CNIH3: variants seen among roughly 807,000 people sequenced by gnomAD.
CNIH3 encodes protein cornichon homolog 3.
CNIH3 carries 14 observed loss-of-function variants against 24.1 expected under a neutral mutation model. The ratio of observed to expected loss-of-function variants is 0.58; its 90% confidence interval spans 0.38 to 0.91. The LOEUF (loss-of-function observed/expected upper bound fraction) is 0.91. Among genes scored for constraint, CNIH3 ranks in the 40% least tolerant of loss-of-function variants. CNIH3 has a pLI of 0.00. For missense variants in CNIH3, 178 were observed against 196.8 expected, an observed-to-expected ratio of 0.90 and a Z score of 0.57; for synonymous variants, 68 against 73.8, an observed-to-expected ratio of 0.92 and a Z score of 0.40.
chr1:224,614,040 G>A (rs940483893), upstream of CNIH3, among the ~76,000 whole-genome samples: 1 of 152,046 alleles, frequency 6.6e-6, no homozygotes, highest in East Asian at 1.9e-4. Context: ...CACCACACCC[G>A]GCTAATTTTT....
intron 5 of CNIH3, among the ~76,000 whole-genome samples, chr1:224,586,936 A>G (rs893590565): frequency 4.6e-5 from 7 of 152,188 alleles, no homozygotes; most frequent in African/African-American, 1.7e-4. Flanking sequence ...AAAGACTGGC[A>G]GGGGAGCATG....
intron 4 of CNIH3, among the ~76,000 whole-genome samples, chr1:224,578,999 A>G (rs1681153413): frequency 1.3e-5 from 2 of 151,320 alleles, no homozygotes; most frequent in Non-Finnish European, 2.9e-5. Context: ...TGTAGAGAGT[A>G]GAGAACAACT....
chr1:224,528,382 G>A (rs912185196), intron 2 of CNIH3, among the ~76,000 whole-genome samples: 8 of 152,166 alleles, frequency 5.3e-5, no homozygotes, highest in African/African-American at 1.9e-4. Context: ...GTGCAGTGGT[G>A]TGATCATGGC....
chr1:224,684,675 C>G lies in CNIH3; in HGVS notation c.151-121C>G, dbSNP rs948289593. 1.2e-6 allele frequency: 1 copy of G among 838,204 alleles called. No homozygotes were observed. Among genetic ancestry groups the G allele is most frequent in the Non-Finnish European group, 2.1e-6 (1 of 485,646 alleles). 51.9% of individuals were successfully genotyped at this position (838,204 alleles called of 1,614,324 possible). A position where few individuals can be genotyped will look rare whatever the true frequency, so the allele number is the denominator to read the frequency against. On this transcript the variant is annotated intron_variant, in intron 2 of 5. Coordinates refer to ENST00000272133, the MANE Select transcript of CNIH3 (RefSeq NM_152495.2). This position sits in a 1 kb window ranked among gnomAD's most constrained non-coding sequence, Gnocchi z 4.2. ...TGGGTGGGAGCATGCTGGCCATGTG[C>G]CCAGGAGGGGTCTCTGGTGGCTTCT...
intron 3 of CNIH3, among the ~76,000 whole-genome samples, chr1:224,720,346 T>G (rs1488421948): frequency 6.6e-6 from 1 of 151,400 alleles, no homozygotes; most frequent in Non-Finnish European, 1.5e-5. Flanking sequence ...TTAAGGAGCA[T>G]AGCGGTGCAT....
intron 1 of CNIH3, among the ~76,000 whole-genome samples, chr1:224,465,004 G>T (rs990899045): frequency 2.0e-5 from 3 of 152,094 alleles, no homozygotes; most frequent in African/African-American, 7.2e-5. Flanking sequence ...ATGTTGCCCA[G>T]GCTGGTCTGA....
At chr1:224,571,846 G>C (rs1013275182) in intron 4 of CNIH3, among the ~76,000 whole-genome samples, 3 of 152,116 alleles carry the variant, frequency 2.0e-5, no homozygotes, top group Non-Finnish European at 4.4e-5. Context: ...GGACCTGAGG[G>C]CCAAAGCCTT....
chr1:224,666,128 T>C (rs1399748051), intron 1 of CNIH3, among the ~76,000 whole-genome samples: 1 of 152,022 alleles, frequency 6.6e-6, no homozygotes, highest in Non-Finnish European at 1.5e-5. Context: ...CACTGAGACA[T>C]AGGGGATAAA....
At chr1:224,639,392 G>A (rs1427791266) in intron 1 of CNIH3, among the ~76,000 whole-genome samples, 8 of 152,198 alleles carry the variant, frequency 5.3e-5, no homozygotes, top group East Asian at 1.9e-4. Context: ...AGGGGCCTGC[G>A]GGCCCCACCT....
Position 224,633,594 on chromosome 1 carries a change from C to G in CNIH3, c.81+16339C>G, listed in dbSNP as rs576968325. On this transcript the variant is annotated intron_variant, in intron 1 of 5. Coordinates refer to ENST00000272133, the MANE Select transcript of CNIH3 (RefSeq NM_152495.2). Reference sequence around the variant, plus strand: ...AACAATAGAATAGCCAGATTTCGATCTCTGTCCTTGAATCACTCTGAATGT... The same window carrying G: ...AACAATAGAATAGCCAGATTTCGATGTCTGTCCTTGAATCACTCTGAATGT... Among the ~76,000 whole-genome samples the G allele has an allele frequency of 3.9e-5, 6 of 152,356 alleles. No homozygotes were observed. The South Asian group carries it at 1.2e-3, about 32-fold the overall frequency.
At chr1:224,506,287 G>GCACA (rs56331612) in intron 1 of CNIH3, among the ~76,000 whole-genome samples, 6,851 of 147,342 alleles carry the variant, frequency 0.046, 181 homozygotes, top group African/African-American at 0.063. Flanking sequence ...GCGCGCGCGC[G>GCACA]CACACACACA....
At chr1:224,511,674 C>G (rs191040665), upstream of CNIH3, among the ~76,000 whole-genome samples, 3 of 150,644 alleles carry the variant, frequency 2.0e-5, no homozygotes, top group African/African-American at 4.9e-5. Context: ...GGCAACATAG[C>G]GAGACTCCTT....
intron 2 of CNIH3, among the ~76,000 whole-genome samples, chr1:224,524,793 T>C (rs778301306): frequency 6.6e-6 from 1 of 152,184 alleles, no homozygotes; most frequent in Non-Finnish European, 1.5e-5. Context: ...GGAGAAACAG[T>C]GTCTTCCCAA....
intron 3 of CNIH3, among the ~76,000 whole-genome samples, chr1:224,552,757 C>T (rs1353891827): frequency 4.7e-5 from 7 of 150,250 alleles, no homozygotes; most frequent in Admixed American, 1.3e-4. Context: ...ATAATATCAC[C>T]GGGTGTACAC....
chr1:224,520,350 C>T (rs10916631), intron 1 of CNIH3, among the ~76,000 whole-genome samples: 34,343 of 152,136 alleles, frequency 0.23, 4,245 homozygotes, highest in African/African-American at 0.33. Flanking sequence ...TCGATATAAG[C>T]GATCCCACAC....
At chr1:224,585,664 T>C (rs528647864) in intron 5 of CNIH3, among the ~76,000 whole-genome samples, 1 of 150,020 alleles carries the variant, frequency 6.7e-6, no homozygotes, top group South Asian at 2.2e-4. Context: ...TTTTTTTTTT[T>C]GTAGAGATGG....
intron 3 of CNIH3, among the ~76,000 whole-genome samples, chr1:224,698,087 A>G (rs1030116613): frequency 6.6e-6 from 1 of 152,244 alleles, no homozygotes; most frequent in Non-Finnish European, 1.5e-5. Flanking sequence ...GTCCTCCTCC[A>G]GAACTGAGTT....
intron 3 of CNIH3, among the ~76,000 whole-genome samples, chr1:224,724,481 T>C (rs1324420512): frequency 1.3e-5 from 2 of 152,210 alleles, no homozygotes; most frequent in African/African-American, 2.4e-5. Context: ...GATTATTCAT[T>C]TGGGAACAAA....
At chr1:224,640,945 GTGGAGGTGATGTGTTTC>G (rs965448750) in intron 1 of CNIH3, among the ~76,000 whole-genome samples, 3 of 152,226 alleles carry the variant, frequency 2.0e-5, no homozygotes, top group African/African-American at 7.2e-5. Flanking sequence ...GTGAGCAAGT[GTGGAGGTGATGTGTTTC>G]TGGGAAAGAG....
Sources: gnomAD v4.1 joint callset for allele counts (sites outside exome capture counted in the v4.1 genomes callset) on GRCh38, gnomAD v4.1.1 for gene constraint, Gnocchi (gnomAD v3.1) non-coding constraint, MANE v1.5 for transcripts, NCBI Gene and HGNC (gene_info 2026-07-23, HGNC 2026-07-21) for gene names.